DCAF1: variants seen among roughly 807,000 people sequenced by gnomAD.
DCAF1 encodes DDB1 and CUL4 associated factor 1.
A neutral mutation model predicts 128.0 loss-of-function variants in DCAF1; 15 were observed. That is an observed-to-expected ratio of 0.12 (90% confidence interval 0.08 to 0.18). DCAF1 has a LOEUF of 0.18. Among genes scored for constraint, DCAF1 ranks in the 10% least tolerant of loss-of-function variants. DCAF1 has a pLI of 1.00. For missense variants in DCAF1, 988 were observed against 1,649.5 expected (o/e 0.60, Z 6.95); for synonymous variants, 610 against 603.0 (o/e 1.01, Z -0.17).
chr3:51,487,060 C>T (rs1311873541), intron 2 of DCAF1, among the ~76,000 whole-genome samples: 4 of 151,908 alleles, frequency 2.6e-5, no homozygotes, highest in Admixed American at 2.0e-4. Flanking sequence ...CTCCACATCC[C>T]GGATTCAAGC....
At chr3:51,455,199 C>T (rs996468566) in intron 6 of DCAF1, among the ~76,000 whole-genome samples, 13 of 152,152 alleles carry the variant, frequency 8.5e-5, no homozygotes, top group Admixed American at 2.0e-4. Context: ...ATTAGCTACA[C>T]AAATAATAAA....
chr3:51,483,984 G>A (rs753638950), intron 2 of DCAF1, 148 bp from the exon 3 acceptor site: 30 of 616,628 alleles, frequency 4.9e-5, no homozygotes, highest in Non-Finnish European at 4.0e-5. Context: ...ATTTATTTGT[G>A]GTACAGCAGA....
intron 24 of DCAF1, among the ~76,000 whole-genome samples, chr3:51,401,134 A>C: frequency 8.5e-6 from 1 of 117,830 alleles, no homozygotes; most frequent in Non-Finnish European, 1.6e-5. Context: ...TCCATCTCAA[A>C]AAAAAAAAAA....
chr3:51,431,714 A>C (rs1224609033), intron 10 of DCAF1, among the ~76,000 whole-genome samples: 1 of 151,678 alleles, frequency 6.6e-6, no homozygotes, highest in Non-Finnish European at 1.5e-5. Context: ...CACTTTGGGA[A>C]GCCATGGTGG....
chr3:51,481,989 C>T (rs1553652994), intron 3 of DCAF1, among the ~76,000 whole-genome samples: 2 of 151,858 alleles, frequency 1.3e-5, no homozygotes, highest in Non-Finnish European at 2.9e-5. Context: ...AGACTCCATC[C>T]CCCCAAAAAA....
At chr3:51,413,239 C>G in intron 21 of DCAF1, 43 bp downstream of exon 21, 1 of 1,587,302 alleles carries the variant, frequency 6.3e-7, no homozygotes, top group Non-Finnish European at 8.6e-7. Context: ...TAAGGAACAC[C>G]AAAACACGAC....
intron 2 of DCAF1, among the ~76,000 whole-genome samples, chr3:51,492,626 G>A (rs1707780529): frequency 6.6e-6 from 1 of 152,146 alleles, no homozygotes; most frequent in Non-Finnish European, 1.5e-5. Flanking sequence ...TAACATGACT[G>A]TAGTTTAAGA....
intron 24 of DCAF1, among the ~76,000 whole-genome samples, chr3:51,402,566 ATTTTTTTTT>A (rs540396047): frequency 3.5e-5 from 3 of 84,984 alleles, no homozygotes; most frequent in Non-Finnish European, 6.0e-5. Context: ...CCTACAAAGC[ATTTTTTTTT>A]TTTTTTTTTT....
intron 6 of DCAF1, among the ~76,000 whole-genome samples, chr3:51,462,434 A>C (rs1204127162): frequency 6.6e-6 from 1 of 152,024 alleles, no homozygotes; most frequent in East Asian, 1.9e-4. Flanking sequence ...ATGAAAAAAC[A>C]AAAGTAAATA....
At chr3:51,480,192 A>T (rs935262641) in intron 3 of DCAF1, among the ~76,000 whole-genome samples, 2 of 151,988 alleles carry the variant, frequency 1.3e-5, no homozygotes, top group African/African-American at 4.8e-5. Flanking sequence ...TTTTACAGAC[A>T]TGATTCTTGA....
At chr3:51,429,827 C>A (rs1553635095) in intron 11 of DCAF1, among the ~76,000 whole-genome samples, 1 of 151,400 alleles carries the variant, frequency 6.6e-6, no homozygotes, top group East Asian at 1.9e-4. Flanking sequence ...ATATCCAAGG[C>A]AAGTCTACAA....
chr3:51,487,354 C>G (rs908076413), intron 2 of DCAF1, among the ~76,000 whole-genome samples: 6 of 152,184 alleles, frequency 3.9e-5, no homozygotes, highest in Non-Finnish European at 8.8e-5. Flanking sequence ...ACCTCTCACC[C>G]AGTTCAGTTT....
intron 15 of DCAF1, 43 bp downstream of exon 15, chr3:51,419,691 A>T: frequency 1.9e-6 from 3 of 1,545,198 alleles, no homozygotes; most frequent in Middle Eastern, 1.8e-4. Flanking sequence ...TAAATAAAAG[A>T]ATCATTCCAA....
intron 10 of DCAF1, 109 bp from the exon 11 acceptor site, chr3:51,430,321 T>A (rs781953055): frequency 1.7e-5 from 10 of 593,446 alleles, no homozygotes; most frequent in Non-Finnish European, 3.1e-5. Flanking sequence ...AATGACCATC[T>A]CCAATCAAGT....
intron 6 of DCAF1, among the ~76,000 whole-genome samples, chr3:51,447,272 C>T (rs1393786370): frequency 6.6e-6 from 1 of 151,634 alleles, no homozygotes; most frequent in Non-Finnish European, 1.5e-5. Flanking sequence ...TGGCTGGGTA[C>T]AGAGGCGCGT....
upstream of DCAF1, among the ~76,000 whole-genome samples, chr3:51,500,374 C>A (rs1302048528): frequency 6.6e-6 from 1 of 152,088 alleles, no homozygotes; most frequent in African/African-American, 2.4e-5. Context: ...TCGCCTGATA[C>A]TTTTTCAGTG....
Position 51,414,833 on chromosome 3 carries a change from T to C in DCAF1, c.3628A>G (p.Lys1210Glu), listed in dbSNP as rs782252562. The C allele has an allele frequency of 7.4e-6, 12 of 1,613,856 alleles. No individual in the cohort carries two copies. Among genetic ancestry groups the C allele is most frequent in the Admixed American group, 1.7e-5 (1 of 60,000 alleles). ...TCTGGGTTAAACAGAGTCAACAGCT[T>C]GTTGCCAGTCTGAATATCATAAATC... ...AHIYDIQTGN[K>E]LLTLFNPDLA... Residue 1210 changes from lysine (K) to glutamate (E), a missense_variant, in exon 19 of 25, where the codon AAG becomes GAG. Physicochemically the swap from Lys to Glu is moderately conservative, Grantham distance 56. This residue lies in a region of DCAF1 where 61 missense variants were observed against 78.3 expected (regional missense o/e 0.78). Coordinates refer to ENST00000684031, the MANE Select transcript of DCAF1 (RefSeq NM_001387579.1).
chr3:51,439,570 T>C (rs1175655608), intron 9 of DCAF1, among the ~76,000 whole-genome samples: 1 of 151,588 alleles, frequency 6.6e-6, no homozygotes, highest in Admixed American at 6.6e-5. Flanking sequence ...GCCTCCTGAG[T>C]AGCTAGGATT....
chr3:51,495,028 A>C (rs1553659983), intron 2 of DCAF1, among the ~76,000 whole-genome samples: 2 of 152,210 alleles, frequency 1.3e-5, no homozygotes. Context: ...ATTATTTAAA[A>C]AAATAAAAAA....
Sources: gnomAD v4.1 joint callset for allele counts (sites outside exome capture counted in the v4.1 genomes callset) on GRCh38, gnomAD v4.1.1 for gene constraint, gnomAD v4.1.1 regional missense constraint, MANE v1.5 for transcripts, NCBI Gene and HGNC (gene_info 2026-07-23, HGNC 2026-07-21) for gene names.